DYM: variants seen among roughly 807,000 people sequenced by gnomAD.
DYM encodes the protein dyggve-Melchior-Clausen syndrome protein.
In DYM, 78 loss-of-function variants were observed where a neutral mutation model predicts 93.1. That is an observed-to-expected ratio of 0.84 (90% CI 0.70 to 1.01). The LOEUF is 1.01. DYM is among the 50% of genes least tolerant of loss of function. The pLI is 0.00. For synonymous variants in DYM, 321 were observed against 319.7 expected (o/e 1.00, Z -0.04); for missense variants, 789 against 845.0 (o/e 0.93, Z 0.82).
At chr18:49,208,225 A>G (rs779063469) in intron 14 of DYM, among the ~76,000 whole-genome samples, 21 of 151,844 alleles carry the variant, frequency 1.4e-4, no homozygotes, top group Non-Finnish European at 2.2e-4. Context: ...AAAGACGTCA[A>G]TTATCCTGCA....
chr18:49,348,626 G>C (rs2064823700), intron 6 of DYM, among the ~76,000 whole-genome samples: 1 of 150,292 alleles, frequency 6.7e-6, no homozygotes, highest in Non-Finnish European at 1.5e-5. Flanking sequence ...AAAAAAAAAT[G>C]GGCCGAGTGC....
At chr18:49,104,015 A>T (rs886172118) in intron 16 of DYM, among the ~76,000 whole-genome samples, 4 of 152,174 alleles carry the variant, frequency 2.6e-5, no homozygotes, top group Non-Finnish European at 4.4e-5. Flanking sequence ...TATGGCCATT[A>T]TCACGATATT....
At chr18:49,457,520 A>C (rs1056365080) in intron 1 of DYM, among the ~76,000 whole-genome samples, 1 of 152,218 alleles carries the variant, frequency 6.6e-6, no homozygotes, top group African/African-American at 2.4e-5. Context: ...AAAAGGAAAA[A>C]TGAACAGTCT....
At chr18:49,147,306 A>C (rs1359954509) in intron 15 of DYM, among the ~76,000 whole-genome samples, 1 of 151,346 alleles carries the variant, frequency 6.6e-6, no homozygotes, top group Non-Finnish European at 1.5e-5. Flanking sequence ...CATGTCTAAA[A>C]CACCAAAAGC....
intron 15 of DYM, among the ~76,000 whole-genome samples, chr18:49,129,975 C>CA (rs1351502979): frequency 6.6e-6 from 1 of 151,978 alleles, no homozygotes; most frequent in Non-Finnish European, 1.5e-5. Flanking sequence ...GGAATAAAAG[C>CA]AAAAAACTTT....
intron 6 of DYM, among the ~76,000 whole-genome samples, chr18:49,359,390 T>C (rs2065835626): frequency 6.6e-6 from 1 of 152,188 alleles, no homozygotes; most frequent in Admixed American, 6.5e-5. Context: ...TTAATGAAGA[T>C]TAGTACCTCC....
intron 15 of DYM, among the ~76,000 whole-genome samples, chr18:49,147,227 T>C (rs1185153892): frequency 6.6e-6 from 1 of 152,064 alleles, no homozygotes; most frequent in Non-Finnish European, 1.5e-5. Flanking sequence ...ATGTTAGACC[T>C]AAAACCATAA....
chr18:49,238,329 T>C (rs937883731), intron 13 of DYM, among the ~76,000 whole-genome samples: 1 of 152,178 alleles, frequency 6.6e-6, no homozygotes, highest in Admixed American at 6.5e-5. Flanking sequence ...TTTAAAATTG[T>C]GAAATTTGTG....
intron 8 of DYM, among the ~76,000 whole-genome samples, chr18:49,304,083 C>A (rs539964410): frequency 6.6e-6 from 1 of 152,164 alleles, no homozygotes; most frequent in Non-Finnish European, 1.5e-5. Context: ...AACTGATGCA[C>A]GCTAGCTTTT....
intron 8 of DYM, among the ~76,000 whole-genome samples, chr18:49,316,470 A>G (rs899754293): frequency 6.6e-6 from 1 of 152,236 alleles, no homozygotes; most frequent in Admixed American, 6.5e-5. Context: ...CATCACGTAA[A>G]AAGATGTTTT....
At chr18:49,050,253 GT>G (rs977925099) in intron 17 of DYM, among the ~76,000 whole-genome samples, 2 of 150,012 alleles carry the variant, frequency 1.3e-5, no homozygotes, top group African/African-American at 2.5e-5. Flanking sequence ...TGCCCGGCTA[GT>G]TTTTTTTTGT....
chr18:49,242,845 G>A (rs576846853), intron 13 of DYM, among the ~76,000 whole-genome samples: 11 of 152,142 alleles, frequency 7.2e-5, no homozygotes, highest in African/African-American at 2.2e-4. Context: ...GACTACAGGC[G>A]CCCGCCACCA....
rs2071054604 is a variant in DYM at position 49,043,127 on chromosome 18, TCTTTC to T, written c.*923_*927del. On this transcript the variant is annotated 3_prime_UTR_variant, in exon 18 of 18. Coordinates refer to ENST00000675505, the MANE Select transcript of DYM (RefSeq NM_001353214.3). The stretch of plus-strand genomic sequence containing the variant: ...AGAAGTAGCCATTTTCTTTTTCTTT[TCTTTC>T]TTTTTTTTTTTTTGCGAGACAGGGT... 6.6e-6 allele frequency: 1 copy of T among 151,956 alleles called. No individual in the cohort carries two copies. The highest frequency in any genetic ancestry group is 1.5e-5 in the Non-Finnish European group (1 of 68,022). The allele number at this position is 151,956 out of a possible 1,614,324, so 9.4% of individuals were successfully genotyped here.
At chr18:49,148,861 T>G (rs1053239557) in intron 15 of DYM, among the ~76,000 whole-genome samples, 1 of 152,246 alleles carries the variant, frequency 6.6e-6, no homozygotes, top group Non-Finnish European at 1.5e-5. Flanking sequence ...GACCGTTTCA[T>G]GGAAGACGAT....
At chr18:49,243,725 T>C (rs989013245) in intron 13 of DYM, among the ~76,000 whole-genome samples, 3 of 151,426 alleles carry the variant, frequency 2.0e-5, no homozygotes, top group Admixed American at 6.6e-5. Flanking sequence ...GTCTCTTTAG[T>C]TTCTCAGAGA....
chr18:49,331,040 C>G (rs571164935), intron 8 of DYM, among the ~76,000 whole-genome samples: 1 of 152,294 alleles, frequency 6.6e-6, no homozygotes, highest in Admixed American at 6.5e-5. Flanking sequence ...CTTTTCATAT[C>G]AAACTGATGT....
chr18:49,161,743 C>CCA (rs1288702757), intron 15 of DYM, among the ~76,000 whole-genome samples: 1 of 152,004 alleles, frequency 6.6e-6, no homozygotes, highest in Non-Finnish European at 1.5e-5. Flanking sequence ...CATCACATAC[C>CCA]CACACACACA....
Position 49,254,032 on chromosome 18 carries a change from C to G in DYM, c.1460+2978G>C, listed in dbSNP as rs369566179. On this transcript the variant is annotated intron_variant, in intron 13 of 17. Coordinates refer to ENST00000675505, the MANE Select transcript of DYM (RefSeq NM_001353214.3). ...ATTTTCTACATATAAATCATGCTCT[C>G]TCACCATAGTCCCTCTCTTGTTTTG... Among the ~76,000 whole-genome samples, 11 of 151,972 alleles carry G rather than the reference C, an allele frequency of 7.2e-5. No homozygotes were observed. In the East Asian group the frequency reaches 1.2e-3, roughly 16 times the overall value.
At chr18:49,287,073 C>T (rs1298451083) in intron 8 of DYM, among the ~76,000 whole-genome samples, 3 of 151,858 alleles carry the variant, frequency 2.0e-5, no homozygotes, top group African/African-American at 7.3e-5. Context: ...CGCCTGTAGT[C>T]CCAGCTACTT....
Sources: allele counts gnomAD v4.1 joint callset (sites outside exome capture counted in the v4.1 genomes callset), GRCh38; gene constraint gnomAD v4.1.1; transcripts MANE v1.5; gene names NCBI Gene and HGNC (gene_info 2026-07-23, HGNC 2026-07-21).